ARSB: variants seen among roughly 807,000 people sequenced by gnomAD.
ARSB encodes the protein arylsulfatase B.
In ARSB, 41 loss-of-function variants were observed where a neutral mutation model predicts 50.9. The observed-to-expected ratio is 0.81, with a 90% confidence interval of 0.63 to 1.04. The LOEUF (loss-of-function observed/expected upper bound fraction) is 1.04, where lower values mean the gene tolerates loss of function less well. Ranked by LOEUF, ARSB falls within the 50% of genes least tolerant of loss-of-function variation. The pLI is 0.00. For synonymous variants in ARSB, 269 were observed against 284.8 expected, an observed-to-expected ratio of 0.94 and a Z score of 0.56; for missense variants, 672 against 693.3, an observed-to-expected ratio of 0.97 and a Z score of 0.35.
At chr5:78,883,275 G>A (rs928865864) in intron 5 of ARSB, 2 of 152,136 alleles carry the variant, frequency 1.3e-5, no homozygotes, top group African/African-American at 4.8e-5. Flanking sequence ...CAAAATTTCT[G>A]GTGAGAGAAA....
chr5:78,802,763 G>C (rs1194503220), intron 6 of ARSB, among the ~76,000 whole-genome samples: 1 of 152,082 alleles, frequency 6.6e-6, no homozygotes, highest in Non-Finnish European at 1.5e-5. Context: ...TGAGGAAATA[G>C]AAGTAAAGTT....
chr5:78,968,477 T>C (rs1340232647), intron 2 of ARSB, among the ~76,000 whole-genome samples: 1 of 151,816 alleles, frequency 6.6e-6, no homozygotes, highest in Non-Finnish European at 1.5e-5. Flanking sequence ...GCCTCCTGAG[T>C]AGCTGGGACT....
At chr5:78,791,175 G>C (rs1749225134) in intron 6 of ARSB, among the ~76,000 whole-genome samples, 1 of 152,194 alleles carries the variant, frequency 6.6e-6, no homozygotes, top group Non-Finnish European at 1.5e-5. Context: ...CTTGGGCTAA[G>C]TGAGAAAAAC....
intron 5 of ARSB, among the ~76,000 whole-genome samples, chr5:78,840,194 C>T (rs1042158604): frequency 6.6e-6 from 1 of 152,002 alleles, no homozygotes; most frequent in Admixed American, 6.6e-5. Flanking sequence ...CTAGTGTAGA[C>T]TCAGCCTTAC....
chr5:78,982,025 G>A lies in ARSB; in HGVS notation c.312+2912C>T, dbSNP rs1752927387. Among the ~76,000 whole-genome samples, 2 of 43,600 alleles carry A rather than the reference G, an allele frequency of 4.6e-5. 1 individual carries two copies. The highest frequency in any genetic ancestry group is 6.6e-4 in the Admixed American group (2 of 3,028). 28.6% of individuals were successfully genotyped at this position (43,600 alleles called of 152,430 possible). A position where few individuals can be genotyped will look rare whatever the true frequency, so the allele number is the denominator to read the frequency against. ...TGCAAGCTCCGCTTCCCGGGTTCAC[G>A]CCATTCTCCTGCCTCAGCCTCCCGA... is the stretch of plus-strand genomic sequence containing the variant. On this transcript the variant is annotated intron_variant, in intron 1 of 7. Coordinates refer to ENST00000264914, the MANE Select transcript of ARSB (RefSeq NM_000046.5).
chr5:78,806,075 T>C (rs1384733084), intron 6 of ARSB, among the ~76,000 whole-genome samples: 1 of 152,256 alleles, frequency 6.6e-6, no homozygotes. Context: ...ACTAATGCGC[T>C]ATGAGTACTG....
chr5:78,941,634 A>G (rs2112435583), intron 4 of ARSB, among the ~76,000 whole-genome samples: 1 of 152,324 alleles, frequency 6.6e-6, no homozygotes, highest in South Asian at 2.1e-4. Context: ...GATGAAGCCC[A>G]CTTGATCATG....
At chr5:78,892,992 T>TCTA (rs1451792715) in intron 4 of ARSB, among the ~76,000 whole-genome samples, 1 of 152,152 alleles carries the variant, frequency 6.6e-6, no homozygotes, top group Non-Finnish European at 1.5e-5. Context: ...CCAAATCTCA[T>TCTA]CTTGAATTGT....
At chr5:78,823,929 TGTTGAAATGTGATCCCCAATGTTGGAGGG>T (rs1172694379) in intron 6 of ARSB, among the ~76,000 whole-genome samples, 27 of 152,250 alleles carry the variant, frequency 1.8e-4, no homozygotes, top group African/African-American at 6.0e-4. Flanking sequence ...CCAAATCTCA[TGTTGAAATGTGATCCCCAATGTTGGAGGG>T]GGGGCACAGT....
chr5:78,869,731 C>A (rs1420867430), intron 5 of ARSB, among the ~76,000 whole-genome samples: 2 of 147,970 alleles, frequency 1.4e-5, no homozygotes, highest in Non-Finnish European at 3.0e-5. Flanking sequence ...AAAATTGACA[C>A]CCTAACATCA....
At chr5:78,907,174 T>C (rs1749103060) in intron 4 of ARSB, among the ~76,000 whole-genome samples, 1 of 152,180 alleles carries the variant, frequency 6.6e-6, no homozygotes, top group African/African-American at 2.4e-5. Flanking sequence ...CAGCTAGACC[T>C]TGATGGAGAA....
At chr5:78,850,893 A>T (rs1745738451) in intron 5 of ARSB, among the ~76,000 whole-genome samples, 1 of 152,200 alleles carries the variant, frequency 6.6e-6, no homozygotes, top group Non-Finnish European at 1.5e-5. Flanking sequence ...TTTCTGTGGT[A>T]TCAGTGGTGA....
chr5:78,860,030 T>C (rs894578849), intron 5 of ARSB, among the ~76,000 whole-genome samples: 4 of 152,180 alleles, frequency 2.6e-5, no homozygotes, highest in Non-Finnish European at 5.9e-5. Context: ...CTTAAAAACA[T>C]AGATACTTCC....
At chr5:78,898,226 A>C (rs2112261236) in intron 4 of ARSB, among the ~76,000 whole-genome samples, 1 of 152,334 alleles carries the variant, frequency 6.6e-6, no homozygotes, top group Non-Finnish European at 1.5e-5. Flanking sequence ...AGACTGTGCC[A>C]CTGCACTCCA....
At chr5:78,974,704 A>G (rs996793596) in intron 1 of ARSB, among the ~76,000 whole-genome samples, 1 of 152,196 alleles carries the variant, frequency 6.6e-6, no homozygotes, top group Non-Finnish European at 1.5e-5. Context: ...ATTTCCTGGC[A>G]GGTAAAAGAT....
intron 4 of ARSB, among the ~76,000 whole-genome samples, chr5:78,908,534 A>G (rs529797041): frequency 3.3e-5 from 5 of 152,250 alleles, no homozygotes; most frequent in South Asian, 4.1e-4. Context: ...CCTGCAGCCA[A>G]TGAAAACGGG....
chr5:78,852,749 T>C (rs1259412434), intron 5 of ARSB, among the ~76,000 whole-genome samples: 6 of 152,016 alleles, frequency 3.9e-5, no homozygotes, highest in Admixed American at 6.6e-5. Flanking sequence ...GGAGGCTTTG[T>C]TCGTTTCTTT....
At chr5:78,833,459 A>G (rs1744785069) in intron 6 of ARSB, among the ~76,000 whole-genome samples, 1 of 152,270 alleles carries the variant, frequency 6.6e-6, no homozygotes, top group African/African-American at 2.4e-5. Flanking sequence ...AGGTTACTTC[A>G]GAACAAAGCC....
intron 6 of ARSB, among the ~76,000 whole-genome samples, chr5:78,806,526 A>G (rs763930958): frequency 1.1e-4 from 17 of 152,200 alleles, no homozygotes; most frequent in Non-Finnish European, 2.4e-4. Flanking sequence ...TATCCATGCA[A>G]CTGGATTTTA....
Sources: allele counts gnomAD v4.1 joint callset (sites outside exome capture counted in the v4.1 genomes callset), GRCh38; gene constraint gnomAD v4.1.1; transcripts MANE v1.5; gene names NCBI Gene and HGNC (gene_info 2026-07-23, HGNC 2026-07-21).